NCOA7: variants seen among roughly 807,000 people sequenced by gnomAD.
The protein encoded by NCOA7 is 140 kDa estrogen receptor-associated protein.
A neutral mutation model predicts 104.3 loss-of-function variants in NCOA7; 45 were observed. The ratio of observed to expected loss-of-function variants is 0.43; its 90% CI spans 0.34 to 0.55. The LOEUF (loss-of-function observed/expected upper bound fraction) is 0.55, where lower values mean the gene tolerates loss of function less well. NCOA7 is among the 20% of genes least tolerant of loss of function. The pLI is 0.02. For missense variants in NCOA7, 1,041 were observed against 1,119.7 expected (o/e 0.93, Z 1.00); for synonymous variants, 398 against 402.3 (o/e 0.99, Z 0.13).
At chr6:125,804,525 T>A (rs1411964436) in intron 1 of NCOA7, among the ~76,000 whole-genome samples, 1 of 152,190 alleles carries the variant, frequency 6.6e-6, no homozygotes, top group African/African-American at 2.4e-5. Flanking sequence ...AGCAGATAGA[T>A]TGTTCTGTTT....
At chr6:125,901,395 T>C (rs955851607) in intron 10 of NCOA7, among the ~76,000 whole-genome samples, 1 of 152,240 alleles carries the variant, frequency 6.6e-6, no homozygotes, top group African/African-American at 2.4e-5. Context: ...GTACGTTTGT[T>C]GGTTTACAAC....
At chr6:125,828,707 A>G (rs1778879010) in intron 2 of NCOA7, among the ~76,000 whole-genome samples, 2 of 152,170 alleles carry the variant, frequency 1.3e-5, no homozygotes, top group Admixed American at 6.5e-5. Flanking sequence ...GAGGAGCCAT[A>G]CTGGGATACA....
Position 125,815,316 on chromosome 6 carries a change from G to C in NCOA7, c.-39G>C. The C allele has an allele frequency of 6.6e-7, 1 of 1,509,560 alleles. No individual in the cohort carries two copies. Among genetic ancestry groups the C allele is most frequent in the South Asian group, 1.2e-5 (1 of 81,594 alleles). 93.5% of individuals were successfully genotyped at this position (1,509,560 alleles called of 1,614,324 possible). On this transcript the variant is annotated 5_prime_UTR_variant, in exon 2 of 16. Transcript: ENST00000392477. ...GGTTACGACTCACTGATTAAAAAGA[G>C]GGACTTTTTCAAATACTTTGCACTT...
At chr6:125,797,902 C>A (rs1001925115) in intron 1 of NCOA7, 3 of 152,174 alleles carry the variant, frequency 2.0e-5, no homozygotes, top group Non-Finnish European at 4.4e-5. Flanking sequence ...TTCTATTTAA[C>A]ATGTCTTAAC....
intron 10 of NCOA7, among the ~76,000 whole-genome samples, chr6:125,899,603 A>G (rs763515722): frequency 6.6e-6 from 1 of 152,236 alleles, no homozygotes; most frequent in Non-Finnish European, 1.5e-5. Context: ...AACATCCCTG[A>G]AAGAATTGTC....
intron 3 of NCOA7, among the ~76,000 whole-genome samples, chr6:125,860,623 C>T (rs1583401402): frequency 6.6e-6 from 1 of 152,324 alleles, no homozygotes; most frequent in Non-Finnish European, 1.5e-5. Context: ...GCTGGGATTA[C>T]AGGCGTGAGC....
chr6:125,813,830 G>A (rs1391997612), intron 1 of NCOA7, among the ~76,000 whole-genome samples: 1 of 151,824 alleles, frequency 6.6e-6, no homozygotes, highest in African/African-American at 2.4e-5. Flanking sequence ...AGTGTTATTT[G>A]TTTTTAATTG....
chr6:125,926,790 T>G (rs953248525), intron 13 of NCOA7, among the ~76,000 whole-genome samples: 1 of 152,236 alleles, frequency 6.6e-6, no homozygotes, highest in African/African-American at 2.4e-5. Context: ...ATAACCTACA[T>G]TTAAAGCAAT....
intron 3 of NCOA7, among the ~76,000 whole-genome samples, chr6:125,865,123 C>A (rs1210401228): frequency 7.2e-6 from 1 of 138,148 alleles, no homozygotes; most frequent in Non-Finnish European, 1.5e-5. Flanking sequence ...GCCTATTTTA[C>A]AAACGTAAAA....
At chr6:125,849,170 C>A (rs1248823446) in intron 2 of NCOA7, among the ~76,000 whole-genome samples, 2 of 152,138 alleles carry the variant, frequency 1.3e-5, no homozygotes, top group Non-Finnish European at 2.9e-5. Context: ...AGAAGAAAAC[C>A]CGTTTTCATT....
intron 6 of NCOA7, among the ~76,000 whole-genome samples, 186 bp from the exon 7 acceptor site, chr6:125,882,240 A>AT (rs1241584020): frequency 6.6e-6 from 1 of 152,112 alleles, no homozygotes; most frequent in Non-Finnish European, 1.5e-5. Context: ...GAAAAAAAAA[A>AT]CAGTTTGATT....
At position 125,881,154 on chromosome 6, in the gene NCOA7, G is replaced by A; in HGVS notation, c.524G>A (p.Gly175Asp). 1 of 1,613,874 alleles carries A rather than the reference G, an allele frequency of 6.2e-7. No homozygotes were observed. The highest frequency in any genetic ancestry group is 1.1e-5 in the South Asian group (1 of 91,076). The change falls in exon 6 of 16, where the codon GGT (glycine) becomes GAT (aspartate). Residue 175 changes from glycine to aspartate, a missense_variant. Physicochemically the swap from Gly to Asp is moderately conservative, Grantham distance 94. Around this residue, in one of 2 missense-constraint regions of NCOA7, gnomAD observed 914 missense variants for 942.7 expected, o/e 0.97. Coordinates refer to ENST00000392477, the MANE Select transcript of NCOA7 (RefSeq NM_181782.5). ...STLRLSSSSP[G>D]ATVSPSSSDA... is the part of the protein sequence containing the mutation. Reference sequence around the variant, plus strand: ...TTAAGGCTATCATCATCCAGTCCTGGTGCTACTGTCTCTCCTTCATCATCA... The same window carrying A: ...TTAAGGCTATCATCATCCAGTCCTGATGCTACTGTCTCTCCTTCATCATCA...
chr6:125,882,177 A>G (rs1783895229), intron 6 of NCOA7, among the ~76,000 whole-genome samples: 1 of 152,028 alleles, frequency 6.6e-6, no homozygotes, highest in Admixed American at 6.6e-5. Flanking sequence ...TTCTAAAGAC[A>G]TTTCATGAGT....
At chr6:125,876,377 C>T (rs1332948621) in intron 4 of NCOA7, among the ~76,000 whole-genome samples, 2 of 152,102 alleles carry the variant, frequency 1.3e-5, no homozygotes, top group African/African-American at 2.4e-5. Flanking sequence ...CTAAAATATA[C>T]TGTTGATTCT....
chr6:125,874,928 A>T lies in NCOA7; in HGVS notation c.311A>T (p.Lys104Met), dbSNP rs760770213. The change falls in exon 4 of 16, where the codon AAG (lysine) becomes ATG (methionine). Residue 104 changes from lysine (K) to methionine (M), a missense_variant. Lys to Met is a moderately conservative substitution (Grantham distance 95). This residue lies in a region of NCOA7 where 914 missense variants were observed against 942.7 expected (regional missense o/e 0.97). Coordinates refer to ENST00000392477, the MANE Select transcript of NCOA7 (RefSeq NM_181782.5). ...QNKTHDKKEK[K>M]MVVQKPHGTM... ...AAAACACATGATAAAAAAGAGAAGA[A>T]GATGGTGGTTCAGAAGCCCCATGGG... is the stretch of plus-strand genomic sequence containing the variant. 1.9e-6 allele frequency: 3 copies of T among 1,613,732 alleles called. No individual in the cohort carries two copies. The highest frequency in any genetic ancestry group is 2.2e-5 in the East Asian group (1 of 44,860).
intron 2 of NCOA7, among the ~76,000 whole-genome samples, chr6:125,840,458 C>G (rs1167345126): frequency 6.6e-6 from 1 of 152,070 alleles, no homozygotes; most frequent in Non-Finnish European, 1.5e-5. Context: ...ACCACTCACT[C>G]TCTGACTCCC....
chr6:125,906,142 G>T (rs768548645), intron 10 of NCOA7, among the ~76,000 whole-genome samples: 14 of 152,086 alleles, frequency 9.2e-5, no homozygotes, highest in Non-Finnish European at 1.8e-4. Flanking sequence ...AAGGTGGGGT[G>T]GTGGAAATAA....
chr6:125,839,076 T>C (rs1419728360), intron 2 of NCOA7, among the ~76,000 whole-genome samples: 1 of 152,160 alleles, frequency 6.6e-6, no homozygotes, highest in Non-Finnish European at 1.5e-5. Context: ...TCATTACCTA[T>C]GCATGATTGA....
At chr6:125,876,963 A>G (rs1783433728) in intron 4 of NCOA7, among the ~76,000 whole-genome samples, 1 of 152,116 alleles carries the variant, frequency 6.6e-6, no homozygotes, top group Non-Finnish European at 1.5e-5. Flanking sequence ...TGATCCCCCT[A>G]TACAGTGTAT....
Sources: allele counts gnomAD v4.1 joint callset (sites outside exome capture counted in the v4.1 genomes callset), GRCh38; gene constraint gnomAD v4.1.1; regional missense constraint gnomAD v4.1.1; transcripts MANE v1.5; gene names NCBI Gene and HGNC (gene_info 2026-07-23, HGNC 2026-07-21).